The following BLOC1S6 variants were observed in gnomAD, a reference collection of about 807,000 sequenced individuals.
The protein encoded by BLOC1S6 is biogenesis of lysosomal organelles complex 1 subunit 6.
BLOC1S6 carries 24 observed loss-of-function variants against 24.7 expected under a neutral mutation model. The ratio of observed to expected loss-of-function variants is 0.97; its 90% CI spans 0.70 to 1.37. The LOEUF is 1.37. Among genes scored for constraint, BLOC1S6 ranks in the 40% most tolerant of loss-of-function variants. The pLI is 0.00. For missense variants in BLOC1S6, 175 were observed against 196.2 expected (o/e 0.89, Z 0.64); for synonymous variants, 76 against 72.6 (o/e 1.05, Z -0.23).
intron 1 of BLOC1S6, among the ~76,000 whole-genome samples, chr15:45,591,297 T>G (rs527616562): frequency 6.6e-6 from 1 of 152,342 alleles, no homozygotes; most frequent in South Asian, 2.1e-4. Flanking sequence ...TTCCATAGAA[T>G]TGAAAACATA....
intron 1 of BLOC1S6, 46 bp from the exon 2 acceptor site, chr15:45,592,089 A>G: frequency 1.2e-6 from 2 of 1,605,978 alleles, no homozygotes; most frequent in South Asian, 1.1e-5. Flanking sequence ...GCCTAAAAAA[A>G]TAAAATAAAT....
intron 2 of BLOC1S6, among the ~76,000 whole-genome samples, chr15:45,595,242 T>C (rs971828339): frequency 6.6e-6 from 1 of 152,178 alleles, no homozygotes; most frequent in Non-Finnish European, 1.5e-5. Context: ...AGTTCTTTCT[T>C]TGTTATTTTT....
intron 2 of BLOC1S6, chr15:45,597,909 C>T (rs758657313): frequency 9.0e-5 from 34 of 378,928 alleles, no homozygotes; most frequent in Non-Finnish European, 1.6e-4. Flanking sequence ...GTTGAATATC[C>T]TTGATGAACA....
At chr15:45,589,266 G>A (rs1893797444) in intron 1 of BLOC1S6, among the ~76,000 whole-genome samples, 1 of 152,196 alleles carries the variant, frequency 6.6e-6, no homozygotes, top group Non-Finnish European at 1.5e-5. Flanking sequence ...TATTTCGTTT[G>A]TCATAAAAAT....
At chr15:45,595,193 CTT>C (rs1333614458) in intron 2 of BLOC1S6, among the ~76,000 whole-genome samples, 1 of 152,136 alleles carries the variant, frequency 6.6e-6, no homozygotes, top group Non-Finnish European at 1.5e-5. Flanking sequence ...AAAATTTAGT[CTT>C]TTAATCTATG....
chr15:45,593,309 T>C (rs955093677), intron 2 of BLOC1S6, among the ~76,000 whole-genome samples: 2 of 147,116 alleles, frequency 1.4e-5, no homozygotes, highest in South Asian at 2.2e-4. Flanking sequence ...TCGCTCGAAC[T>C]CAGGGGGCTG....
intron 2 of BLOC1S6, chr15:45,601,548 G>A (rs920815588): frequency 7.2e-5 from 11 of 152,134 alleles, no homozygotes; most frequent in African/African-American, 2.7e-4. Flanking sequence ...TGAGCACTGA[G>A]TTGTTGAAAA....
intron 2 of BLOC1S6, among the ~76,000 whole-genome samples, chr15:45,601,728 TC>T (rs1566903599): frequency 6.6e-6 from 1 of 152,168 alleles, no homozygotes; most frequent in Non-Finnish European, 1.5e-5. Flanking sequence ...TTTTTTGTTT[TC>T]CCCCTTCTAT....
chr15:45,605,599 T>A lies in BLOC1S6; in HGVS notation c.399+85T>A, dbSNP rs946248956. The A allele has an allele frequency of 1.7e-5, 19 of 1,135,200 alleles. No homozygotes were observed. In the African/African-American group the frequency reaches 2.8e-4, roughly 17 times the overall value. 70.3% of individuals were successfully genotyped at this position (1,135,200 alleles called of 1,614,324 possible). A position where few individuals can be genotyped will look rare whatever the true frequency, so the allele number is the denominator to read the frequency against. On this transcript the variant is annotated intron_variant, in intron 4 of 4. Transcript: ENST00000220531. ...TTTTTTTTTTTTTTCAGTATTCTTT[T>A]TTTTTTTGAGACGGAGTTTTGCTCT...
At chr15:45,587,267 C>T, upstream of BLOC1S6, 1 of 669,748 alleles carries the variant, frequency 1.5e-6, no homozygotes, top group Admixed American at 2.2e-5. Context: ...GTCCCCACAA[C>T]GCCATGGGGC....
chr15:45,602,069 T>G (rs1894290592), intron 2 of BLOC1S6, among the ~76,000 whole-genome samples: 1 of 152,134 alleles, frequency 6.6e-6, no homozygotes, highest in South Asian at 2.1e-4. Context: ...TGTGTGTGTT[T>G]TTTTTGTTTT....
In BLOC1S6 at chr15:45,587,714, A is replaced by G. The variant is rs148966982; in HGVS notation, c.82+189A>G. ...TGCCCAGCGCAATGGGCGGAACTGAAGTCCCGAGGGGAAGCTTTGTATTGG... is the reference window on the plus strand; with the variant it reads ...TGCCCAGCGCAATGGGCGGAACTGAGGTCCCGAGGGGAAGCTTTGTATTGG... On this transcript the variant is annotated intron_variant, in intron 1 of 4. Transcript: ENST00000220531. The G allele has an allele frequency of 3.9e-5, 28 of 715,236 alleles. 1 individual carries two copies. In the East Asian group the frequency reaches 6.2e-4, roughly 16 times the overall value. The allele number at this position is 715,236 out of a possible 1,614,324, so 44.3% of individuals were successfully genotyped here. A position where few individuals can be genotyped will look rare whatever the true frequency, so the allele number is the denominator to read the frequency against.
chr15:45,591,956 T>C, intron 1 of BLOC1S6, 179 bp from the exon 2 acceptor site: 1 of 675,958 alleles, frequency 1.5e-6, no homozygotes, highest in Non-Finnish European at 2.4e-6. Flanking sequence ...AACCTCCTTT[T>C]ATTAGCTGTG....
At chr15:45,595,870 C>T (rs28846379) in intron 2 of BLOC1S6, among the ~76,000 whole-genome samples, 14 of 152,234 alleles carry the variant, frequency 9.2e-5, no homozygotes, top group African/African-American at 2.6e-4. Flanking sequence ...TGCAATGGCA[C>T]GATCTCGGCT....
chr15:45,593,323 G>C (rs1241162585), intron 2 of BLOC1S6, among the ~76,000 whole-genome samples: 3 of 149,084 alleles, frequency 2.0e-5, no homozygotes, highest in Non-Finnish European at 3.0e-5. Context: ...GGGGCTGTTT[G>C]TGGTGAGCTG....
At chr15:45,597,151 T>A (rs1894107143) in intron 2 of BLOC1S6, among the ~76,000 whole-genome samples, 1 of 152,188 alleles carries the variant, frequency 6.6e-6, no homozygotes, top group African/African-American at 2.4e-5. Context: ...CATTGAATCC[T>A]TAGATCAAGT....
Position 45,592,153 on chromosome 15 carries a change from C to G in BLOC1S6, c.101C>G (p.Pro34Arg). The G allele has an allele frequency of 2.5e-6, 4 of 1,614,096 alleles. No individual in the cohort carries two copies. The highest frequency in any genetic ancestry group is 3.4e-6 in the Non-Finnish European group (4 of 1,180,026). The change falls in exon 2 of 5, where the codon CCA (proline) becomes CGA (arginine). Residue 34 changes from proline (P) to arginine (R), a missense_variant. Transcript: ENST00000220531. ...GGGACAGGTTTAAGTGACACTTCTC[C>G]AGATGAAGGGTTAATAGAGGACTTG... ...EPTPGLSDTSPDEGLIEDLTI... is the reference protein window; with the variant it reads ...EPTPGLSDTSRDEGLIEDLTI...
chr15:45,599,847 C>G (rs1174181385), intron 2 of BLOC1S6, among the ~76,000 whole-genome samples: 2 of 133,900 alleles, frequency 1.5e-5, no homozygotes, highest in African/African-American at 6.3e-5. Context: ...ACCCAAATGA[C>G]TATAAATCAT....
chr15:45,602,437 A>C, intron 2 of BLOC1S6: 1 of 607,996 alleles, frequency 1.6e-6, no homozygotes, highest in East Asian at 2.8e-5. Flanking sequence ...TGTGTAAAGA[A>C]ATATCAAGGA....
Sources: gnomAD v4.1 joint callset for allele counts (sites outside exome capture counted in the v4.1 genomes callset) on GRCh38, gnomAD v4.1.1 for gene constraint, MANE v1.5 for transcripts, NCBI Gene and HGNC (gene_info 2026-07-23, HGNC 2026-07-21) for gene names.